The following TAFA2 variants were observed in gnomAD, a reference collection of about 807,000 sequenced individuals.
The protein encoded by TAFA2 is TAFA chemokine like family member 2.
A neutral mutation model predicts 18.8 loss-of-function variants in TAFA2; 7 were observed. The ratio of observed to expected loss-of-function variants is 0.37; its 90% CI spans 0.21 to 0.70. The LOEUF is 0.70. Ranked by LOEUF, TAFA2 falls within the 30% of genes least tolerant of loss-of-function variation. The pLI, the probability that TAFA2 is intolerant of heterozygous loss-of-function variation, is 0.53. For missense variants in TAFA2, 122 were observed against 158.1 expected (o/e 0.77, Z 1.23); for synonymous variants, 60 against 54.2 (o/e 1.11, Z -0.47).
At chr12:62,010,995 C>CAT (rs1304417120) in intron 1 of TAFA2, among the ~76,000 whole-genome samples, 1 of 113,886 alleles carries the variant, frequency 8.8e-6, no homozygotes, top group Admixed American at 9.8e-5. Context: ...CCCGGCCACC[C>CAT]CGTCTGGGAA....
intron 2 of TAFA2, among the ~76,000 whole-genome samples, chr12:61,861,375 G>T (rs79110009): frequency 2.0e-5 from 3 of 150,362 alleles, no homozygotes; most frequent in Non-Finnish European, 4.4e-5. Context: ...TCAGCCTCCC[G>T]AGTAGCTGGG....
chr12:62,258,976 G>A, upstream of TAFA2: 3 of 181,496 alleles, frequency 1.7e-5, no homozygotes, highest in South Asian at 1.5e-4. Context: ...ATTCAAGGTT[G>A]GCATGATAAT....
Position 61,886,368 on chromosome 12 carries a change from C to A in TAFA2, c.-1-18942G>T, listed in dbSNP as rs796752916. Reference sequence around the variant, plus strand: ...AGACCTCACTTTGTTCTCGCTACCACCCCCCTGCCCCCACTGCCACTGCCC... The same window carrying A: ...AGACCTCACTTTGTTCTCGCTACCAACCCCCTGCCCCCACTGCCACTGCCC... On this transcript the variant is annotated intron_variant, in intron 1 of 4. Coordinates refer to ENST00000416284, the MANE Select transcript of TAFA2 (RefSeq NM_178539.5). Among the ~76,000 whole-genome samples the A allele has an allele frequency of 6.6e-5, 10 of 152,080 alleles. No homozygotes were observed. In the South Asian group the frequency reaches 2.1e-3, roughly 32 times the overall value.
chr12:62,041,858 T>A (rs1327425871), intron 1 of TAFA2, among the ~76,000 whole-genome samples: 1 of 152,164 alleles, frequency 6.6e-6, no homozygotes, highest in Non-Finnish European at 1.5e-5. Context: ...AAGATTATCC[T>A]ACTTCATTTT....
At chr12:62,244,758 A>C (rs67753559) in intron 1 of TAFA2, among the ~76,000 whole-genome samples, 41,419 of 152,080 alleles carry the variant, frequency 0.27, 5,918 homozygotes, top group African/African-American at 0.34. Context: ...CTTTTAAAAA[A>C]TTTGCCAAAC....
chr12:61,932,975 G>A (rs1267466879), intron 1 of TAFA2, among the ~76,000 whole-genome samples: 1 of 152,136 alleles, frequency 6.6e-6, no homozygotes, highest in Non-Finnish European at 1.5e-5. Flanking sequence ...TGGAAGTACG[G>A]AACTAAGAAA....
At chr12:62,062,333 G>C (rs1302033431) in intron 1 of TAFA2, among the ~76,000 whole-genome samples, 1 of 152,136 alleles carries the variant, frequency 6.6e-6, no homozygotes, top group African/African-American at 2.4e-5. Context: ...CACACTTCTT[G>C]CATCTGGAGG....
chr12:62,063,787 A>G (rs1882413936), intron 1 of TAFA2, among the ~76,000 whole-genome samples: 1 of 152,076 alleles, frequency 6.6e-6, no homozygotes, highest in Admixed American at 6.6e-5. Context: ...TGTTCATGAT[A>G]TAGATATTTC....
chr12:61,738,624 A>T (rs1348578016), intron 4 of TAFA2, among the ~76,000 whole-genome samples: 1 of 152,060 alleles, frequency 6.6e-6, no homozygotes, highest in Admixed American at 6.6e-5. Context: ...GAGCACCTTT[A>T]CAATTGTGTA....
chr12:62,221,390 C>T (rs903937036), intron 1 of TAFA2, among the ~76,000 whole-genome samples: 8 of 152,146 alleles, frequency 5.3e-5, no homozygotes, highest in Admixed American at 2.6e-4. Flanking sequence ...GACCAACCAA[C>T]TGATTTAGTA....
intron 1 of TAFA2, among the ~76,000 whole-genome samples, chr12:61,937,535 A>G (rs1201638519): frequency 3.9e-5 from 6 of 152,170 alleles, no homozygotes; most frequent in Admixed American, 3.9e-4. Context: ...GACCAAGCAT[A>G]CAAAAACATA....
At chr12:62,186,474 A>T (rs184463651) in intron 1 of TAFA2, among the ~76,000 whole-genome samples, 1 of 152,308 alleles carries the variant, frequency 6.6e-6, no homozygotes, top group East Asian at 1.9e-4. Context: ...AATTCAGCCT[A>T]TCACCGTAAT....
intron 2 of TAFA2, among the ~76,000 whole-genome samples, chr12:61,838,506 A>T (rs1371082485): frequency 6.6e-6 from 1 of 152,040 alleles, no homozygotes; most frequent in Non-Finnish European, 1.5e-5. Context: ...ATCCTTCGGG[A>T]TGGAAAGAAA....
chr12:61,934,973 T>A (rs1055627127), intron 1 of TAFA2, among the ~76,000 whole-genome samples: 12 of 152,172 alleles, frequency 7.9e-5, no homozygotes, highest in African/African-American at 2.9e-4. Flanking sequence ...ATATGATTTA[T>A]TAAAAAGTAG....
intron 1 of TAFA2, among the ~76,000 whole-genome samples, chr12:61,941,247 A>G (rs1257448299): frequency 1.9e-4 from 29 of 152,214 alleles, no homozygotes; most frequent in Admixed American, 1.9e-3. Flanking sequence ...ACTACATGGT[A>G]AAAAAGTATT....
At chr12:61,910,018 T>C (rs573894570) in intron 1 of TAFA2, among the ~76,000 whole-genome samples, 14 of 152,208 alleles carry the variant, frequency 9.2e-5, no homozygotes, top group Admixed American at 1.3e-4. Context: ...CAACTGTATA[T>C]GTAACTTTCA....
chr12:61,768,326 G>A (rs1280047467), intron 2 of TAFA2, among the ~76,000 whole-genome samples: 1 of 152,132 alleles, frequency 6.6e-6, no homozygotes, highest in East Asian at 1.9e-4. Context: ...AGAACTAATA[G>A]TAGGTAGGAC....
chr12:62,033,838 A>C (rs1033754247), intron 1 of TAFA2, among the ~76,000 whole-genome samples: 4 of 152,008 alleles, frequency 2.6e-5, no homozygotes, highest in Non-Finnish European at 4.4e-5. Context: ...TTATGTACCT[A>C]CTCCAAGTAC....
At chr12:62,004,787 A>T (rs958403439) in intron 1 of TAFA2, among the ~76,000 whole-genome samples, 3 of 152,126 alleles carry the variant, frequency 2.0e-5, no homozygotes, top group Non-Finnish European at 2.9e-5. Context: ...ATAAGTGTCT[A>T]TCGACGGGTG....
Sources: gnomAD v4.1 joint callset for allele counts (sites outside exome capture counted in the v4.1 genomes callset) on GRCh38, gnomAD v4.1.1 for gene constraint, MANE v1.5 for transcripts, NCBI Gene and HGNC (gene_info 2026-07-23, HGNC 2026-07-21) for gene names.